GRIK2: variants seen among roughly 807,000 people sequenced by gnomAD.
GRIK2 encodes glutamate receptor ionotropic, kainate 2.
In GRIK2, 32 loss-of-function variants were observed where a neutral mutation model predicts 100.3. The ratio of observed to expected loss-of-function variants is 0.32; its 90% confidence interval spans 0.24 to 0.43. GRIK2 has a LOEUF of 0.43. Among genes scored for constraint, GRIK2 ranks in the 20% least tolerant of loss-of-function variants. The pLI, the probability that GRIK2 is intolerant of heterozygous loss-of-function variation, is 1.00. For missense variants in GRIK2, 843 were observed against 1,114.9 expected, an observed-to-expected ratio of 0.76 and a Z score of 3.47; for synonymous variants, 417 against 389.4, an observed-to-expected ratio of 1.07 and a Z score of -0.83.
rs1459752727 is a variant in GRIK2, at chr6:102,050,836, TAAAG to T, written c.2312-4491_2312-4488del. 2.6e-5 allele frequency among the ~76,000 whole-genome samples: 4 copies of T among 150,982 alleles called. No individual in the cohort carries two copies. In the Middle Eastern group the frequency reaches 0.01, roughly 388 times the overall value. On this transcript the variant is annotated intron_variant, in intron 15 of 16. Transcript: ENST00000369134. ...GGAAGGAAGGAAGCAAGGAAAGAAA[TAAAG>T]AAGAAAGATAAGAATAACTCAATTT...
chr6:101,950,229 C>G (rs1485212700), intron 14 of GRIK2, among the ~76,000 whole-genome samples: 2 of 152,032 alleles, frequency 1.3e-5, no homozygotes, highest in African/African-American at 4.8e-5. Flanking sequence ...AAATCATTTT[C>G]TAAAATCTCT....
chr6:101,655,704 AG>A (rs1226043060), intron 4 of GRIK2, among the ~76,000 whole-genome samples: 1 of 152,218 alleles, frequency 6.6e-6, no homozygotes, highest in Admixed American at 6.5e-5. Context: ...ACATGTACTT[AG>A]GGTACCAACC....
chr6:101,635,616 G>A (rs959888961), intron 4 of GRIK2, among the ~76,000 whole-genome samples: 3 of 151,986 alleles, frequency 2.0e-5, no homozygotes, highest in African/African-American at 7.3e-5. Context: ...TCTGAAAAAG[G>A]GCTAATATCC....
intron 14 of GRIK2, among the ~76,000 whole-genome samples, chr6:102,034,264 T>C (rs1298919722): frequency 6.6e-6 from 1 of 151,414 alleles, no homozygotes; most frequent in Non-Finnish European, 1.5e-5. Context: ...AGTGCCAGGA[T>C]TTTTCTCTGT....
chr6:102,033,704 T>C (rs1038429987), intron 14 of GRIK2, among the ~76,000 whole-genome samples: 9 of 151,340 alleles, frequency 5.9e-5, no homozygotes, highest in African/African-American at 1.9e-4. Flanking sequence ...TCTATCTAAA[T>C]ATATTTTGCC....
chr6:101,782,813 C>T, intron 7 of GRIK2, among the ~76,000 whole-genome samples: 1 of 151,008 alleles, frequency 6.6e-6, no homozygotes, highest in African/African-American at 2.4e-5. Flanking sequence ...TACTAATTTA[C>T]ATTCCCAGTG....
chr6:101,911,942 C>T (rs1199886565), intron 12 of GRIK2, among the ~76,000 whole-genome samples: 1 of 150,682 alleles, frequency 6.6e-6, no homozygotes, highest in East Asian at 2.0e-4. Context: ...TAATGTCTAC[C>T]CTTGTGAGTG....
At chr6:101,602,915 G>A (rs778876884) in intron 2 of GRIK2, among the ~76,000 whole-genome samples, 1 of 151,604 alleles carries the variant, frequency 6.6e-6, no homozygotes, top group Non-Finnish European at 1.5e-5. Context: ...TAATCAAACA[G>A]AATTGTTTTT....
chr6:101,962,512 G>T (rs1373914858), intron 14 of GRIK2, among the ~76,000 whole-genome samples: 2 of 152,034 alleles, frequency 1.3e-5, no homozygotes, highest in African/African-American at 2.4e-5. Context: ...GCTTTATTTT[G>T]GGTGGAGTGT....
rs1318503531 is a variant in GRIK2, at chr6:101,486,700, G to A, written c.115+87308G>A. ...TTTTCAACATCAATAAATCAGTGGA[G>A]CTCTCTGTTAGATATATAATAATCA... On this transcript the variant is annotated intron_variant, in intron 2 of 16. Transcript: ENST00000369134. Among the ~76,000 whole-genome samples, 5 of 148,352 alleles carry A rather than the reference G, an allele frequency of 3.4e-5. 1 individual carries two copies. The highest frequency in any genetic ancestry group is 1.3e-4 in the African/African-American group (5 of 39,368).
rs930290691 is a variant in GRIK2, at chr6:101,490,590, G to A, written c.115+91198G>A. Among the ~76,000 whole-genome samples the A allele has an allele frequency of 2.4e-4, 35 of 146,780 alleles. 1 individual carries two copies. The highest frequency in any genetic ancestry group is 2.0e-4 in the Non-Finnish European group (13 of 66,636). ...AAGAAGTACGTTGGGGGTGTTAATA[G>A]GAAAGTATTGTCTTGAAGAGAGGCA... On this transcript the variant is annotated intron_variant, in intron 2 of 16. Transcript: ENST00000369134.
intron 2 of GRIK2, among the ~76,000 whole-genome samples, chr6:101,602,556 G>GT (rs201681582): frequency 0.017 from 2,580 of 149,998 alleles, 35 homozygotes; most frequent in Non-Finnish European, 0.026. Flanking sequence ...TGAATGATTA[G>GT]TTTTTTTTTA....
chr6:101,486,459 A>T (rs940988457), intron 2 of GRIK2, among the ~76,000 whole-genome samples: 47 of 151,960 alleles, frequency 3.1e-4, no homozygotes, highest in Non-Finnish European at 5.3e-4. Context: ...TGAGCTCTTT[A>T]TGAGAAGAAG....
At position 101,489,728 on chromosome 6, in the gene GRIK2, C is replaced by T. The variant is rs1332066138; in HGVS notation, c.115+90336C>T. Among the ~76,000 whole-genome samples the T allele has an allele frequency of 1.4e-5, 2 of 145,882 alleles. 1 individual carries two copies. On this transcript the variant is annotated intron_variant, in intron 2 of 16. Transcript: ENST00000369134. ...AGTATGTGGTATGATTTTAAGGACT[C>T]CAGATAAGCTGAAATATCCAGCAAT...
intron 7 of GRIK2, among the ~76,000 whole-genome samples, chr6:101,781,980 CAGAA>C (rs1476274266): frequency 5.3e-5 from 8 of 152,082 alleles, no homozygotes. Context: ...CTTCCTATGA[CAGAA>C]AGAGGGCTAG....
chr6:101,790,048 A>C (rs986460975), intron 7 of GRIK2, among the ~76,000 whole-genome samples: 1 of 152,168 alleles, frequency 6.6e-6, no homozygotes, highest in African/African-American at 2.4e-5. Context: ...ATTTTTGTAC[A>C]TTGATTTTGT....
chr6:102,060,036 C>A (rs1430326299), intron 16 of GRIK2, among the ~76,000 whole-genome samples: 2 of 150,194 alleles, frequency 1.3e-5, no homozygotes, highest in African/African-American at 4.9e-5. Flanking sequence ...TGCTCAGATA[C>A]TGAATTTGTG....
chr6:101,920,117 A>C (rs1789391793), intron 12 of GRIK2, among the ~76,000 whole-genome samples: 1 of 152,006 alleles, frequency 6.6e-6, no homozygotes, highest in Non-Finnish European at 1.5e-5. Context: ...ATAGTGAAGA[A>C]ACCAGGCTGT....
At chr6:101,942,440 A>T (rs1791012659) in intron 14 of GRIK2, among the ~76,000 whole-genome samples, 1 of 152,228 alleles carries the variant, frequency 6.6e-6, no homozygotes, top group Non-Finnish European at 1.5e-5. Context: ...TCAGAAGAAG[A>T]CAGGAATATG....
Sources: gnomAD v4.1 joint callset for allele counts (sites outside exome capture counted in the v4.1 genomes callset) on GRCh38, gnomAD v4.1.1 for gene constraint, MANE v1.5 for transcripts, NCBI Gene and HGNC (gene_info 2026-07-23, HGNC 2026-07-21) for gene names.